Variants in COX17 observed in about 807,000 individuals in gnomAD.
The protein encoded by COX17 is cytochrome c oxidase copper chaperone COX17, also known as cytochrome c oxidase copper chaperone.
In COX17, 1 loss-of-function variant was observed where a neutral mutation model predicts 6.3. The observed-to-expected ratio is 0.16, with a 90% confidence interval of 0.06 to 0.75. The LOEUF is 0.75. Ranked by LOEUF, COX17 falls within the 30% of genes least tolerant of loss-of-function variation. The probability of loss-of-function intolerance (pLI) is 0.77; values close to 1 mark genes in which losing one functional copy is unlikely to be tolerated. For synonymous variants in COX17, 26 were observed against 30.5 expected (o/e 0.85, Z 0.49); for missense variants, 73 against 81.2 (o/e 0.90, Z 0.39).
intron 3 of COX17, among the ~76,000 whole-genome samples, chr3:119,664,142 C>T (rs574212770): frequency 6.6e-6 from 1 of 152,276 alleles, no homozygotes; most frequent in Non-Finnish European, 1.5e-5. Flanking sequence ...AATAAGTGTA[C>T]TTAGGATTCA....
intron 1 of COX17, chr3:119,676,631 A>G (rs2053102692): frequency 1.9e-6 from 1 of 513,152 alleles, no homozygotes; most frequent in Non-Finnish European, 3.5e-6. Context: ...TGTAAGGAAT[A>G]CACTCTGTGT....
chr3:119,677,278 C>A lies in COX17; in HGVS notation c.33G>T (p.Pro11=), dbSNP rs577993070. The change falls in exon 1 of 3, where the codon CCG becomes CCT. Residue 11 remains proline (P), a synonymous_variant. Coordinates refer to ENST00000261070, the MANE Select transcript of COX17 (RefSeq NM_005694.2). ...GCGGCTTCTTCTCCTGAGACTCAGG[C>A]GGGGCAGGGTTTGAGTCAACCAGAC... The part of the protein sequence containing the change: MPGLVDSNPA[P]PESQEKKPLK... 2 of 1,611,984 alleles carry A rather than the reference C, an allele frequency of 1.2e-6. No individual in the cohort carries two copies. The highest frequency in any genetic ancestry group is 1.3e-5 in the African/African-American group (1 of 74,994).
downstream of COX17, chr3:119,667,127 AACGGGGGACTAGAGAGAAT>A (rs1314427203): frequency 2.0e-4 from 30 of 152,334 alleles, no homozygotes; most frequent in African/African-American, 7.2e-4. Context: ...AGGTTAGACA[AACGGGGGACTAGAGAGAAT>A]AGTGTGAATA....
At chr3:119,677,150 C>T (rs2053113414) in intron 1 of COX17, 54 bp downstream of exon 1, 17 of 1,453,752 alleles carry the variant, frequency 1.2e-5, no homozygotes, top group Non-Finnish European at 1.5e-5. Context: ...CACCGGAAGG[C>T]ACAGGCCGCG....
chr3:119,675,010 C>G, intron 2 of COX17, 135 bp downstream of exon 2: 1 of 636,436 alleles, frequency 1.6e-6, no homozygotes, highest in African/African-American at 1.8e-5. Context: ...TCATTGGGAA[C>G]TGAAAAATCA....
At position 119,670,174 on chromosome 3, in the gene COX17, T is replaced by C. The variant is rs1222757634; in HGVS notation, c.*5-509A>G. ...GCAAGACAAGGGCAACCCTTTAATA[T>C]TCATTTGGAAAAATCAAAAAGGGAG... On this transcript the variant is annotated intron_variant, in intron 2 of 2. Transcript: ENST00000261070. 2.6e-5 allele frequency among the ~76,000 whole-genome samples: 4 copies of C among 152,240 alleles called. No homozygotes were observed. In the East Asian group the frequency reaches 7.7e-4, roughly 29 times the overall value.
In COX17 at chr3:119,673,416, T is replaced by C. The variant is rs573240528; in HGVS notation, c.*4+1729A>G. Among the ~76,000 whole-genome samples the C allele has an allele frequency of 2.0e-5, 3 of 152,248 alleles. No homozygotes were observed. In the East Asian group the frequency reaches 5.8e-4, roughly 29 times the overall value. On this transcript the variant is annotated intron_variant, in intron 2 of 2. Coordinates refer to ENST00000261070, the MANE Select transcript of COX17 (RefSeq NM_005694.2). The stretch of plus-strand genomic sequence containing the variant: ...TATATGTATCATGCAGGTGACAGTG[T>C]ATAGAATAGAGTAGCCACTAGCCAC...
In COX17 at chr3:119,677,206, C is replaced by G. The variant is rs1397574134; in HGVS notation, c.105G>C (p.Ala35=). The G allele has an allele frequency of 1.2e-6, 2 of 1,609,240 alleles. No individual in the cohort carries two copies. Among genetic ancestry groups the G allele is most frequent in the African/African-American group, 1.3e-5 (1 of 74,810 alleles). ...GCCCTCTCCGGCTGCGCACTGACCA[C>G]GCATCGCGCGCCTTCTTGGTCTCCG... is the stretch of plus-strand genomic sequence containing the variant. ...ACPETKKARD[A]CIIEKGEEHC... is the part of the protein sequence containing the mutation. The change falls in exon 1 of 3, where the codon GCG becomes GCC. Residue 35 remains alanine, a splice_region_variant and synonymous_variant. Coordinates refer to ENST00000261070, the MANE Select transcript of COX17 (RefSeq NM_005694.2).
At chr3:119,665,871 C>T (rs2052988358), downstream of COX17, among the ~76,000 whole-genome samples, 1 of 152,202 alleles carries the variant, frequency 6.6e-6, no homozygotes, top group African/African-American at 2.4e-5. Flanking sequence ...GTTCTCTGAA[C>T]ATCTGCTAAT....
chr3:119,667,710 CACACACACACACACACACAGAG>C (rs2053005792), downstream of COX17, among the ~76,000 whole-genome samples: 5 of 111,370 alleles, frequency 4.5e-5, no homozygotes, highest in Admixed American at 4.6e-4. Flanking sequence ...CACACACACA[CACACACACACACACACACAGAG>C]AGAGAGAGAC....
chr3:119,671,527 C>T, intron 2 of COX17, among the ~76,000 whole-genome samples: 1 of 152,154 alleles, frequency 6.6e-6, no homozygotes, highest in East Asian at 1.9e-4. Flanking sequence ...CTAAGAAATA[C>T]CGATTTAGGT....
At chr3:119,665,722 G>A (rs2052987569), downstream of COX17, among the ~76,000 whole-genome samples, 1 of 152,142 alleles carries the variant, frequency 6.6e-6, no homozygotes, top group Non-Finnish European at 1.5e-5. Flanking sequence ...CAAACCAGGA[G>A]CTTTTAATTT....
chr3:119,675,983 G>T (rs1352512462), intron 1 of COX17, among the ~76,000 whole-genome samples: 1 of 152,222 alleles, frequency 6.6e-6, no homozygotes, highest in Non-Finnish European at 1.5e-5. Flanking sequence ...GCAAATGGGA[G>T]ATTGCCTGGG....
At chr3:119,666,164 A>G (rs948540084), downstream of COX17, among the ~76,000 whole-genome samples, 4 of 152,212 alleles carry the variant, frequency 2.6e-5, no homozygotes, top group Non-Finnish European at 5.9e-5. Flanking sequence ...GTGTAAGCCA[A>G]TCAGCATAAG....
chr3:119,677,073 G>A, intron 1 of COX17, 131 bp downstream of exon 1: 1 of 565,576 alleles, frequency 1.8e-6, no homozygotes, highest in East Asian at 3.3e-5. Flanking sequence ...GGGGAAGGAA[G>A]AGGGCAGAGG....
chr3:119,671,698 C>A (rs2053045817), intron 2 of COX17, among the ~76,000 whole-genome samples: 1 of 152,092 alleles, frequency 6.6e-6, no homozygotes, highest in African/African-American at 2.4e-5. Context: ...TATGTGCAAT[C>A]CTAAAAATGA....
chr3:119,677,082 GGGCAGAAGGCAGAGGGCAGAGGGCAGAA>G lies in COX17; in HGVS notation c.107+94_107+121del, dbSNP rs1559736279. 226 of 575,778 alleles carry G rather than the reference GGGCAGAAGGCAGAGGGCAGAGGGCAGAA, an allele frequency of 3.9e-4. 1 individual carries two copies. The highest frequency in any genetic ancestry group is 3.7e-3 in the South Asian group (214 of 57,258). 35.7% of individuals were successfully genotyped at this position (575,778 alleles called of 1,614,324 possible). On this transcript the variant is annotated intron_variant, in intron 1 of 2. Transcript: ENST00000261070. ...GGAAGGGGGGAAGGAAGAGGGCAGA[GGGCAGAAGGCAGAGGGCAGAGGGCAGAA>G]GGCAGAGGGCAGAGGCCGTAGGGCA...
intron 2 of COX17, among the ~76,000 whole-genome samples, chr3:119,672,175 T>C (rs2107833755): frequency 6.6e-6 from 1 of 152,324 alleles, no homozygotes; most frequent in African/African-American, 2.4e-5. Flanking sequence ...TGTATTATTG[T>C]CTCCATTTTA....
chr3:119,666,473 C>A (rs2052993699), downstream of COX17, among the ~76,000 whole-genome samples: 1 of 152,214 alleles, frequency 6.6e-6, no homozygotes, highest in Non-Finnish European at 1.5e-5. Context: ...CTATTACTTG[C>A]TATCAAAAGC....
Sources: allele counts gnomAD v4.1 joint callset (sites outside exome capture counted in the v4.1 genomes callset), GRCh38; gene constraint gnomAD v4.1.1; transcripts MANE v1.5; gene names NCBI Gene and HGNC (gene_info 2026-07-23, HGNC 2026-07-21).